WNK2: variants seen among roughly 807,000 people sequenced by gnomAD.
WNK2 encodes serine/threonine-protein kinase WNK2.
In WNK2, 67 loss-of-function variants were observed where a neutral mutation model predicts 192.1. The ratio of observed to expected loss-of-function variants is 0.35; its 90% CI spans 0.29 to 0.43. WNK2 has a LOEUF of 0.43. Ranked by LOEUF, WNK2 falls within the 20% of genes least tolerant of loss-of-function variation. WNK2 has a pLI of 1.00. For missense variants in WNK2, 2,698 were observed against 3,089.7 expected, an observed-to-expected ratio of 0.87 and a Z score of 3.01; for synonymous variants, 1,439 against 1,393.9, an observed-to-expected ratio of 1.03 and a Z score of -0.72.
At chr9:93,202,485 C>G (rs1188237836) in intron 2 of WNK2, among the ~76,000 whole-genome samples, 1 of 152,174 alleles carries the variant, frequency 6.6e-6, no homozygotes, top group African/African-American at 2.4e-5. Context: ...GGGCGGTCAG[C>G]CCGGCCCTAC....
In WNK2 at chr9:93,185,257, GCCCCCGCGGAC is replaced by G. The variant is rs2130833946; in HGVS notation, c.329_339del (p.Ala110GlyfsTer43). On this transcript the variant is annotated frameshift_variant, in exon 2 of 30. Coordinates refer to ENST00000427277, the MANE Select transcript of WNK2 (RefSeq NM_006648.4). LOFTEE classifies it high-confidence loss of function. ...GGTAGCGCAGCCGGGAGCCCCCGGA[GCCCCCGCGGAC>G]GCCGGCCCCGAGCCCGTGGGCACGC... 7.9e-7 allele frequency: 1 copy of G among 1,267,918 alleles called. No individual in the cohort carries two copies. The highest frequency in any genetic ancestry group is 3.3e-5 in the East Asian group (1 of 30,024). 78.5% of individuals were successfully genotyped at this position (1,267,918 alleles called of 1,614,324 possible). A position where few individuals can be genotyped will look rare whatever the true frequency, so the allele number is the denominator to read the frequency against.
intron 2 of WNK2, among the ~76,000 whole-genome samples, chr9:93,211,889 CAT>C (rs1834844395): frequency 7.0e-6 from 1 of 141,880 alleles, no homozygotes; most frequent in African/African-American, 3.1e-5. Context: ...CACACTCACA[CAT>C]TTACTCATTC....
At chr9:93,277,403 A>T (rs185200930) in intron 19 of WNK2, among the ~76,000 whole-genome samples, 12 of 152,342 alleles carry the variant, frequency 7.9e-5, no homozygotes, top group Non-Finnish European at 1.6e-4. Context: ...TTAAACATCT[A>T]TGTATGAATG....
intron 26 of WNK2, among the ~76,000 whole-genome samples, chr9:93,300,778 C>T (rs1437749851): frequency 6.6e-6 from 1 of 152,204 alleles, no homozygotes; most frequent in African/African-American, 2.4e-5. Flanking sequence ...GAACGTGCTC[C>T]AGTTCGGGCC....
At chr9:93,311,991 G>A (rs956656861) in intron 28 of WNK2, among the ~76,000 whole-genome samples, 1 of 152,140 alleles carries the variant, frequency 6.6e-6, no homozygotes, top group African/African-American at 2.4e-5. Context: ...CTGTGGTTTT[G>A]CTTTACATTT....
In WNK2 at chr9:93,318,406, G is replaced by T. The variant is rs1479745188; in HGVS notation, c.6628+775G>T. 3.1e-6 allele frequency: 5 copies of T among 1,614,090 alleles called. No individual in the cohort carries two copies. The South Asian group carries it at 5.5e-5, about 18-fold the overall frequency. On this transcript the variant is annotated intron_variant, in intron 29 of 29. Transcript: ENST00000427277. ...GTGCCGGTTCCCTGGGCTCATCCAG[G>T]GGCTGAGAGACGGCGGGACGCTGGG...
At chr9:93,310,930 C>A (rs1159112591) in intron 28 of WNK2, among the ~76,000 whole-genome samples, 2 of 152,190 alleles carry the variant, frequency 1.3e-5, no homozygotes, top group South Asian at 4.1e-4. Flanking sequence ...TACCACTGTA[C>A]TCCAGCCTGG....
At chr9:93,204,571 C>T (rs962983035) in intron 2 of WNK2, among the ~76,000 whole-genome samples, 2 of 152,220 alleles carry the variant, frequency 1.3e-5, no homozygotes, top group Admixed American at 1.3e-4. Flanking sequence ...GCTGCAGGAA[C>T]AAGCTGCTGG....
intron 7 of WNK2, among the ~76,000 whole-genome samples, chr9:93,242,514 C>T (rs1012007554): frequency 1.3e-5 from 2 of 152,258 alleles, no homozygotes; most frequent in Non-Finnish European, 2.9e-5. Context: ...ACTTCAGGTG[C>T]ACCATTTCTC....
intron 2 of WNK2, among the ~76,000 whole-genome samples, chr9:93,216,411 T>A (rs572370602): frequency 3.3e-5 from 5 of 152,254 alleles, no homozygotes; most frequent in African/African-American, 1.2e-4. Context: ...TTTCGGAGGC[T>A]GAGGTGGGTG....
At chr9:93,231,398 G>A (rs151021600) in intron 4 of WNK2, among the ~76,000 whole-genome samples, 1 of 152,348 alleles carries the variant, frequency 6.6e-6, no homozygotes, top group Non-Finnish European at 1.5e-5. Flanking sequence ...GGCCCCAGAT[G>A]GTCTTTGTGT....
chr9:93,302,697 G>C (rs1244541798), intron 26 of WNK2, among the ~76,000 whole-genome samples: 1 of 152,180 alleles, frequency 6.6e-6, no homozygotes, highest in Non-Finnish European at 1.5e-5. Context: ...GGGCAGTGCA[G>C]CAGGCACCTC....
At chr9:93,285,466 A>G (rs984589442) in intron 19 of WNK2, among the ~76,000 whole-genome samples, 11 of 152,226 alleles carry the variant, frequency 7.2e-5, no homozygotes, top group African/African-American at 2.7e-4. Flanking sequence ...ATATTGAAAA[A>G]TTCAATTTAT....
chr9:93,187,165 G>A (rs536215349), intron 2 of WNK2, among the ~76,000 whole-genome samples: 33 of 152,234 alleles, frequency 2.2e-4, no homozygotes, highest in Non-Finnish European at 2.4e-4. Context: ...GTTAGACCTC[G>A]GCAGCCAGAG....
Position 93,300,110 on chromosome 9 carries a change from C to T in WNK2, c.6175C>T (p.Arg2059Cys). 1.2e-6 allele frequency: 2 copies of T among 1,613,562 alleles called. No homozygotes were observed. The highest frequency in any genetic ancestry group is 1.1e-5 in the South Asian group (1 of 91,066). The change falls in exon 26 of 30, where the codon CGT (arginine) becomes TGT (cysteine). Residue 2059 changes from arginine to cysteine, a missense_variant. Arg to Cys is a radical substitution (Grantham distance 180). Coordinates refer to ENST00000427277, the MANE Select transcript of WNK2 (RefSeq NM_006648.4). ...GACCTATAAGTCTAGTAGCAAACCTCGTGCTCGATTCCTCAGTGGACCCGT... is the reference window on the plus strand; with the variant it reads ...GACCTATAAGTCTAGTAGCAAACCTTGTGCTCGATTCCTCAGTGGACCCGT... ...RVTYKSSSKP[R>C]ARFLSGPVSV...
chr9:93,211,852 T>C (rs559777274), intron 2 of WNK2, among the ~76,000 whole-genome samples: 1 of 149,376 alleles, frequency 6.7e-6, no homozygotes, highest in African/African-American at 2.5e-5. Flanking sequence ...ACTCACACAT[T>C]CCCTCACTCA....
Position 93,289,237 on chromosome 9 carries a change from C to G in WNK2, c.4483C>G (p.Gln1495Glu). The change falls in exon 20 of 30, where the codon CAA becomes GAA. Residue 1495 changes from glutamine (Q) to glutamate (E), a missense_variant. Coordinates refer to ENST00000427277, the MANE Select transcript of WNK2 (RefSeq NM_006648.4). ...HSGTPQPALG[Q>E]PAPLLPAAVG... ...CGGGACCCCACAGCCCGCCTTGGGT[C>G]AACCTGCTCCCCTGCTTCCTGCCGC... is the stretch of plus-strand genomic sequence containing the variant. 2 of 1,605,334 alleles carry G rather than the reference C, an allele frequency of 1.2e-6. No individual in the cohort carries two copies. The highest frequency in any genetic ancestry group is 1.7e-6 in the Non-Finnish European group (2 of 1,178,348).
At chr9:93,255,718 G>A (rs1049563270) in intron 9 of WNK2, among the ~76,000 whole-genome samples, 2 of 152,180 alleles carry the variant, frequency 1.3e-5, no homozygotes, top group East Asian at 3.9e-4. Flanking sequence ...AAATGATTCA[G>A]CCTCTGGCTC....
At chr9:93,232,196 G>C (rs371924982) in intron 4 of WNK2, among the ~76,000 whole-genome samples, 1 of 152,204 alleles carries the variant, frequency 6.6e-6, no homozygotes, top group Non-Finnish European at 1.5e-5. Context: ...GGCAGGTGTG[G>C]GGAAAATGAG....
Sources: gnomAD v4.1 joint callset for allele counts (sites outside exome capture counted in the v4.1 genomes callset) on GRCh38, gnomAD v4.1.1 for gene constraint, MANE v1.5 for transcripts, NCBI Gene and HGNC (gene_info 2026-07-23, HGNC 2026-07-21) for gene names.